SCFD2: variants seen among roughly 807,000 people sequenced by gnomAD.
The protein encoded by SCFD2 is sec1 family domain containing 2, also known as sec1 family domain-containing protein 2.
A neutral mutation model predicts 58.9 loss-of-function variants in SCFD2; 54 were observed. The observed-to-expected ratio is 0.92, with a 90% CI of 0.74 to 1.15. The LOEUF (loss-of-function observed/expected upper bound fraction) is 1.15, where lower values mean the gene tolerates loss of function less well. Ranked by LOEUF, SCFD2 falls within the 50% of genes most tolerant of loss-of-function variation. SCFD2 has a pLI of 0.00. For missense variants in SCFD2, 805 were observed against 836.6 expected (o/e 0.96, Z 0.47); for synonymous variants, 321 against 335.9 (o/e 0.96, Z 0.49).
intron 5 of SCFD2, among the ~76,000 whole-genome samples, chr4:52,941,503 T>C (rs1255922278): frequency 6.6e-6 from 1 of 152,192 alleles, no homozygotes; most frequent in Non-Finnish European, 1.5e-5. Context: ...TTGGTAGTCT[T>C]AAGAAGATCC....
chr4:53,099,450 T>C (rs970363746), intron 5 of SCFD2, among the ~76,000 whole-genome samples: 2 of 152,230 alleles, frequency 1.3e-5, no homozygotes, highest in Non-Finnish European at 2.9e-5. Context: ...TATGAAGGAA[T>C]ATCTAAGGCT....
At chr4:52,991,388 A>T (rs1177609595) in intron 5 of SCFD2, among the ~76,000 whole-genome samples, 4 of 152,148 alleles carry the variant, frequency 2.6e-5, no homozygotes, top group Non-Finnish European at 5.9e-5. Flanking sequence ...AGATATGTTG[A>T]TTTCGAAGTC....
At chr4:53,181,472 C>T (rs1727552325) in intron 4 of SCFD2, among the ~76,000 whole-genome samples, 1 of 152,152 alleles carries the variant, frequency 6.6e-6, no homozygotes, top group South Asian at 2.1e-4. Context: ...AGGCTAAAAA[C>T]TCTCAATAAA....
chr4:53,160,649 A>G (rs1422567358), intron 4 of SCFD2, among the ~76,000 whole-genome samples: 4 of 152,204 alleles, frequency 2.6e-5, no homozygotes, highest in Admixed American at 2.6e-4. Context: ...AAAAGAGAAT[A>G]GAATTAATTG....
At chr4:53,231,098 G>A (rs1373615211) in intron 4 of SCFD2, among the ~76,000 whole-genome samples, 1 of 151,848 alleles carries the variant, frequency 6.6e-6, no homozygotes, top group African/African-American at 2.4e-5. Flanking sequence ...TATGCATAAG[G>A]GACTATGGCA....
intron 2 of SCFD2, among the ~76,000 whole-genome samples, chr4:53,322,582 G>T (rs970224195): frequency 3.3e-5 from 5 of 152,034 alleles, no homozygotes; most frequent in African/African-American, 1.2e-4. Flanking sequence ...CAACACAAAC[G>T]TATTAATAAT....
chr4:53,354,386 C>T (rs966414366), intron 1 of SCFD2, among the ~76,000 whole-genome samples: 6 of 152,230 alleles, frequency 3.9e-5, no homozygotes, highest in African/African-American at 1.4e-4. Context: ...GCGCGCCGAG[C>T]CCACGCCCAC....
intron 4 of SCFD2, among the ~76,000 whole-genome samples, chr4:53,194,411 A>T (rs2148960837): frequency 6.6e-6 from 1 of 152,322 alleles, no homozygotes; most frequent in African/African-American, 2.4e-5. Context: ...ACCTATAATT[A>T]TATAAGTTAT....
chr4:53,227,046 C>T lies in SCFD2; in HGVS notation c.1311+46780G>A, dbSNP rs1378586294. On this transcript the variant is annotated intron_variant, in intron 4 of 8. Transcript: ENST00000401642. ...TCATCCTTTCCTGTCATGCTGTCTTCCTGCGAAAGAAGATGGAGCATGTGG... is the reference window on the plus strand; with the variant it reads ...TCATCCTTTCCTGTCATGCTGTCTTTCTGCGAAAGAAGATGGAGCATGTGG... Among the ~76,000 whole-genome samples the T allele has an allele frequency of 2.6e-5, 4 of 152,134 alleles. 1 individual carries two copies. Among genetic ancestry groups the T allele is most frequent in the Admixed American group, 1.3e-4 (2 of 15,270 alleles).
At chr4:53,254,592 G>T (rs1730526613) in intron 4 of SCFD2, among the ~76,000 whole-genome samples, 1 of 151,012 alleles carries the variant, frequency 6.6e-6, no homozygotes, top group African/African-American at 2.4e-5. Context: ...ACCCACCTCA[G>T]CCTCCCAAAG....
chr4:53,314,026 G>C (rs1732782908), intron 2 of SCFD2, among the ~76,000 whole-genome samples: 1 of 152,136 alleles, frequency 6.6e-6, no homozygotes, highest in Non-Finnish European at 1.5e-5. Flanking sequence ...GGAAAACTAT[G>C]TGATAAATTT....
intron 4 of SCFD2, among the ~76,000 whole-genome samples, chr4:53,247,722 G>A (rs978131170): frequency 8.7e-5 from 13 of 149,746 alleles, no homozygotes; most frequent in African/African-American, 1.7e-4. Context: ...TTAGCCGGGC[G>A]CGGTGGCGGG....
chr4:53,216,895 C>T (rs758547575), intron 4 of SCFD2, among the ~76,000 whole-genome samples: 4 of 152,162 alleles, frequency 2.6e-5, no homozygotes, highest in East Asian at 1.9e-4. Context: ...GCCTTCATTT[C>T]GTTATGTACC....
chr4:53,017,867 T>C (rs1313557208), intron 5 of SCFD2, among the ~76,000 whole-genome samples: 1 of 148,562 alleles, frequency 6.7e-6, no homozygotes. Flanking sequence ...TCTGTCTACC[T>C]GGTAGGTCAT....
Position 53,352,762 on chromosome 4 carries a change from T to C in SCFD2, c.843A>G (p.Ala281=), listed in dbSNP as rs1171062794. The change falls in exon 2 of 9, where the codon GCA becomes GCG. Residue 281 remains alanine (A), a synonymous_variant. Coordinates refer to ENST00000401642, the MANE Select transcript of SCFD2 (RefSeq NM_152540.4). ...CTAAGTTGTCTCCATGATGTCCAAC[T>C]GCTCCTGTTTAAGCAGACAAGATGA... The part of the protein sequence containing the change: ...FVDRTLDLTG[A]VGHHGDNLVE... The C allele has an allele frequency of 6.2e-7, 1 of 1,613,390 alleles. No homozygotes were observed. The highest frequency in any genetic ancestry group is 1.7e-5 in the Admixed American group (1 of 59,988).
chr4:53,152,481 T>C (rs1317392887), intron 4 of SCFD2, among the ~76,000 whole-genome samples: 2 of 152,226 alleles, frequency 1.3e-5, no homozygotes, highest in Non-Finnish European at 2.9e-5. Flanking sequence ...AAAACCTGTT[T>C]TGTGACATCC....
rs564170948 is a variant in SCFD2, at chr4:53,253,096, C to T, written c.1311+20730G>A. Among the ~76,000 whole-genome samples the T allele has an allele frequency of 3.9e-5, 6 of 152,302 alleles. No homozygotes were observed. In the South Asian group the frequency reaches 1.0e-3, roughly 26 times the overall value. ...GGAAAAAGGATATGAACAGACACTT[C>T]TCAAAAGAAGACATTTATGCAGCCA... On this transcript the variant is annotated intron_variant, in intron 4 of 8. Coordinates refer to ENST00000401642, the MANE Select transcript of SCFD2 (RefSeq NM_152540.4).
At chr4:52,949,310 T>C (rs1264041366) in intron 5 of SCFD2, 1 of 151,510 alleles carries the variant, frequency 6.6e-6, no homozygotes, top group East Asian at 1.9e-4. Flanking sequence ...AGTCCATATT[T>C]TAACAATGGC....
intron 4 of SCFD2, among the ~76,000 whole-genome samples, chr4:53,256,069 C>T (rs1730611289): frequency 6.7e-6 from 1 of 150,288 alleles, no homozygotes; most frequent in South Asian, 2.1e-4. Context: ...TGGGGGCTGA[C>T]CCCCACCTCC....
Sources: gnomAD v4.1 joint callset for allele counts (sites outside exome capture counted in the v4.1 genomes callset) on GRCh38, gnomAD v4.1.1 for gene constraint, MANE v1.5 for transcripts, NCBI Gene and HGNC (gene_info 2026-07-23, HGNC 2026-07-21) for gene names.